The following MECOM variants were observed in gnomAD, a reference collection of about 807,000 sequenced individuals.
MECOM encodes the protein MDS1 and EVI1 complex locus, also known as histone-lysine N-methyltransferase MECOM.
Under a neutral mutation model 116.3 loss-of-function variants are expected in MECOM, and 13 were observed. That is an observed-to-expected ratio of 0.11 (90% CI 0.07 to 0.18). MECOM has a LOEUF of 0.18. Ranked by LOEUF, MECOM falls within the 10% of genes least tolerant of loss-of-function variation. The probability of loss-of-function intolerance (pLI) is 1.00; values close to 1 mark genes in which losing one functional copy is unlikely to be tolerated. For synonymous variants in MECOM, 528 were observed against 535.2 expected (o/e 0.99, Z 0.19); for missense variants, 1,299 against 1,509.0 (o/e 0.86, Z 2.31).
intron 2 of MECOM, chr3:169,146,442 G>C: frequency 7.2e-7 from 1 of 1,389,366 alleles, no homozygotes; most frequent in South Asian, 1.1e-5. Context: ...AAGAGCGCAA[G>C]GAAAAGAGGC....
At chr3:169,462,743 G>A (rs1747666187) in intron 1 of MECOM, among the ~76,000 whole-genome samples, 1 of 152,108 alleles carries the variant, frequency 6.6e-6, no homozygotes, top group African/African-American at 2.4e-5. Flanking sequence ...TGCCATTAAT[G>A]AATACTGTAA....
chr3:169,461,624 C>A (rs1029520666), intron 1 of MECOM, among the ~76,000 whole-genome samples: 1 of 152,042 alleles, frequency 6.6e-6, no homozygotes, highest in Non-Finnish European at 1.5e-5. Flanking sequence ...TCTAAAAAAA[C>A]AACAATAGAA....
Position 169,186,343 on chromosome 3 carries a change from G to GGGAAGGAA in MECOM, c.376-42519_376-42512dup, listed in dbSNP as rs1331901039. Among the ~76,000 whole-genome samples the GGGAAGGAA allele has an allele frequency of 4.2e-4, 34 of 80,172 alleles. 1 individual carries two copies. Among genetic ancestry groups the GGGAAGGAA allele is most frequent in the Middle Eastern group, 6.9e-3 (1 of 144 alleles). The allele number at this position is 80,172 out of a possible 152,430, so 52.6% of individuals were successfully genotyped here. ...AAGAAAGGAAGGAAGGAGGGAGGGA[G>GGGAAGGAA]GGAAGGAAGGAAGGAAGGAAGGAAG... On this transcript the variant is annotated intron_variant, in intron 2 of 16. Coordinates refer to ENST00000651503, the MANE Select transcript of MECOM (RefSeq NM_004991.4).
rs781599984 is a variant in MECOM, at chr3:169,216,730, G to T, written c.376-72898C>A. 8.6e-4 allele frequency among the ~76,000 whole-genome samples: 131 copies of T among 152,010 alleles called. 3 individuals are homozygous for T. The highest frequency in any genetic ancestry group is 3.4e-4 in the Non-Finnish European group (23 of 67,944). On this transcript the variant is annotated intron_variant, in intron 2 of 16. Transcript: ENST00000651503. Reference sequence around the variant, plus strand: ...AATTTCACAATATATTGTTAAGTAAGAAAAATAGTTTATAAAATTATGAAA... The same window carrying T: ...AATTTCACAATATATTGTTAAGTAATAAAAATAGTTTATAAAATTATGAAA...
intron 1 of MECOM, among the ~76,000 whole-genome samples, chr3:169,548,846 T>C (rs1761034106): frequency 1.3e-5 from 2 of 152,218 alleles, no homozygotes; most frequent in African/African-American, 2.4e-5. Flanking sequence ...GGTACTCTCA[T>C]TAATTATAAT....
intron 2 of MECOM, among the ~76,000 whole-genome samples, chr3:169,203,933 T>C (rs1296479995): frequency 7.9e-5 from 12 of 152,188 alleles, no homozygotes; most frequent in Admixed American, 7.2e-4. Context: ...TCTGAATAGA[T>C]GATAGGAATG....
At chr3:169,391,792 T>C (rs1219986766) in intron 1 of MECOM, among the ~76,000 whole-genome samples, 3 of 152,158 alleles carry the variant, frequency 2.0e-5, no homozygotes, top group Non-Finnish European at 4.4e-5. Context: ...GTATGGTCTC[T>C]GGAAATTGTC....
intron 1 of MECOM, among the ~76,000 whole-genome samples, chr3:169,419,408 T>C (rs1234090546): frequency 3.3e-5 from 5 of 152,144 alleles, no homozygotes; most frequent in Non-Finnish European, 7.3e-5. Flanking sequence ...AAATTTCACA[T>C]GTAACCAAAT....
At chr3:169,292,179 C>G (rs1372815953) in intron 2 of MECOM, among the ~76,000 whole-genome samples, 2 of 151,912 alleles carry the variant, frequency 1.3e-5, no homozygotes, top group African/African-American at 2.4e-5. Context: ...CCTGTCTCTA[C>G]TAAAAATTCG....
At chr3:169,494,820 T>G (rs974421051) in intron 1 of MECOM, among the ~76,000 whole-genome samples, 1 of 152,178 alleles carries the variant, frequency 6.6e-6, no homozygotes, top group Non-Finnish European at 1.5e-5. Context: ...GAAGAAATCT[T>G]TTAGTTATCT....
chr3:169,118,521 G>C, intron 7 of MECOM, among the ~76,000 whole-genome samples: 1 of 151,906 alleles, frequency 6.6e-6, no homozygotes, highest in Non-Finnish European at 1.5e-5. Context: ...ATGTTTACTA[G>C]ATATATTAGA....
rs188247136 is a variant in MECOM at position 169,531,674 on chromosome 3, A to G, written c.37+131662T>C. On this transcript the variant is annotated intron_variant, in intron 1 of 16. Transcript: ENST00000651503. ...TTTTCTGCTAAAATTGACCTTCAGC[A>G]GGAGAGTTAATGACTACTCATGGGT... Among the ~76,000 whole-genome samples, 498 of 152,290 alleles carry G rather than the reference A, an allele frequency of 3.3e-3. 4 individuals carry two copies. The highest frequency in any genetic ancestry group is 0.012 in the African/African-American group (479 of 41,560).
chr3:169,477,140 T>C (rs1434250759), intron 1 of MECOM: 11 of 67,414 alleles, frequency 1.6e-4, no homozygotes, highest in African/African-American at 5.1e-4. Flanking sequence ...TATATATATA[T>C]ATATATATAC....
At chr3:169,367,490 G>A (rs898252105) in intron 2 of MECOM, among the ~76,000 whole-genome samples, 4 of 151,882 alleles carry the variant, frequency 2.6e-5, no homozygotes, top group Non-Finnish European at 4.4e-5. Context: ...AGTACTGGTC[G>A]ATTCCAAAAT....
chr3:169,433,064 G>T (rs920477347), intron 1 of MECOM, among the ~76,000 whole-genome samples: 2 of 152,100 alleles, frequency 1.3e-5, no homozygotes, highest in Admixed American at 1.3e-4. Flanking sequence ...TGGAATCAAG[G>T]GTAAGATATA....
chr3:169,660,304 C>T (rs897488599), intron 1 of MECOM, among the ~76,000 whole-genome samples: 1 of 152,174 alleles, frequency 6.6e-6, no homozygotes, highest in Non-Finnish European at 1.5e-5. Flanking sequence ...ATCTTCCTGC[C>T]TTTCATTTTA....
intron 1 of MECOM, among the ~76,000 whole-genome samples, chr3:169,486,012 A>AC (rs1269983871): frequency 7.7e-6 from 1 of 129,374 alleles, no homozygotes; most frequent in African/African-American, 3.1e-5. Context: ...TATACTATAT[A>AC]TATATGTATA....
intron 2 of MECOM, among the ~76,000 whole-genome samples, chr3:169,236,757 A>C (rs1453903041): frequency 6.6e-6 from 1 of 152,226 alleles, no homozygotes; most frequent in East Asian, 1.9e-4. Flanking sequence ...ATATTTATAC[A>C]ATAACAAGTG....
At chr3:169,381,141 A>G (rs769811038) in intron 2 of MECOM, 46 bp downstream of exon 2, 2 of 1,495,670 alleles carry the variant, frequency 1.3e-6, no homozygotes, top group South Asian at 2.6e-5. Context: ...TCTCTTCTTT[A>G]CACAGCTGCA....
Sources: gnomAD v4.1 joint callset for allele counts (sites outside exome capture counted in the v4.1 genomes callset) on GRCh38, gnomAD v4.1.1 for gene constraint, MANE v1.5 for transcripts, NCBI Gene and HGNC (gene_info 2026-07-23, HGNC 2026-07-21) for gene names.